The following FAT4 variants were observed in gnomAD, a reference collection of about 807,000 sequenced individuals.
FAT4 encodes the protein protocadherin Fat 4.
In FAT4, 84 loss-of-function variants were observed where a neutral mutation model predicts 303.9. The observed-to-expected ratio is 0.28, with a 90% CI of 0.23 to 0.33. The LOEUF (loss-of-function observed/expected upper bound fraction) is 0.33. Ranked by LOEUF, FAT4 falls within the 10% of genes least tolerant of loss-of-function variation. The pLI is 1.00. For synonymous variants in FAT4, 2,307 were observed against 2,298.8 expected (o/e 1.00, Z -0.10); for missense variants, 6,005 against 6,146.8 (o/e 0.98, Z 0.77).
At chr4:125,410,808 G>C (rs936837645) in intron 5 of FAT4, among the ~76,000 whole-genome samples, 2 of 152,066 alleles carry the variant, frequency 1.3e-5, no homozygotes, top group African/African-American at 4.8e-5. Flanking sequence ...ATTGACCATT[G>C]TCTCTAAGTA....
chr4:125,396,458 C>A (rs1734172356), intron 2 of FAT4, among the ~76,000 whole-genome samples: 1 of 152,058 alleles, frequency 6.6e-6, no homozygotes, highest in South Asian at 2.1e-4. Flanking sequence ...TCCTGATGTG[C>A]CTTTGATGGT....
chr4:125,356,446 T>C (rs1327386483), intron 2 of FAT4, among the ~76,000 whole-genome samples: 1 of 152,084 alleles, frequency 6.6e-6, no homozygotes, highest in African/African-American at 2.4e-5. Flanking sequence ...TTTTATTTAT[T>C]TGACTAGCTA....
chr4:125,418,864 A>G (rs2126030980), intron 7 of FAT4, among the ~76,000 whole-genome samples: 1 of 147,352 alleles, frequency 6.8e-6, no homozygotes, highest in Admixed American at 6.9e-5. Flanking sequence ...AGCCTTTCTT[A>G]CAAGAGTTTG....
In FAT4 at chr4:125,434,398, C is replaced by T; in HGVS notation, c.7172C>T (p.Ala2391Val). ...TDVLLVNASD[A>V]DASKNAVISY... ...GTTTTATTGGTAAATGCCTCAGATG[C>T]TGATGCTTCAAAGAATGCAGTTATA... The change falls in exon 8 of 18, where the codon GCT (alanine) becomes GTT (valine). Residue 2391 changes from alanine (A) to valine (V), a missense_variant. Physicochemically the swap from Ala to Val is moderately conservative, Grantham distance 64. Coordinates refer to ENST00000394329, the MANE Select transcript of FAT4 (RefSeq NM_001291303.3). The T allele has an allele frequency of 6.2e-7, 1 of 1,614,054 alleles. No homozygotes were observed. Among genetic ancestry groups the T allele is most frequent in the African/African-American group, 1.3e-5 (1 of 75,050 alleles).
At chr4:125,473,601 A>G (rs1228573135) in intron 12 of FAT4, among the ~76,000 whole-genome samples, 1 of 152,016 alleles carries the variant, frequency 6.6e-6, no homozygotes, top group Non-Finnish European at 1.5e-5. Flanking sequence ...GATGAGTAAT[A>G]GTAGACATCA....
At chr4:125,478,037 T>C (rs145835906) in intron 14 of FAT4, among the ~76,000 whole-genome samples, 1 of 152,282 alleles carries the variant, frequency 6.6e-6, no homozygotes, top group African/African-American at 2.4e-5. Context: ...ATATTTTAAC[T>C]GTTGCTATAC....
rs377534767 is a variant in FAT4, at chr4:125,320,828, G to A, written c.4417G>A (p.Glu1473Lys). 38 of 1,613,998 alleles carry A rather than the reference G, an allele frequency of 2.4e-5. No homozygotes were observed. Among genetic ancestry groups the A allele is most frequent in the Non-Finnish European group, 3.2e-5 (38 of 1,179,978 alleles). Residue 1473 changes from glutamate (E) to lysine (K), a missense_variant, in exon 2 of 18, where the codon GAA becomes AAA. By Grantham distance (56) the Glu-to-Lys change is moderately conservative. Coordinates refer to ENST00000394329, the MANE Select transcript of FAT4 (RefSeq NM_001291303.3). ...MPRGNHFTID[E>K]VKGTIYTNAE... Reference sequence around the variant, plus strand: ...AAGAGGCAACCACTTTACCATAGATGAAGTCAAAGGGACTATATATACTAA... The same window carrying A: ...AAGAGGCAACCACTTTACCATAGATAAAGTCAAAGGGACTATATATACTAA...
Position 125,415,819 on chromosome 4 carries a change from A to G in FAT4, c.6843+13A>G. The G allele has an allele frequency of 6.4e-7, 1 of 1,571,628 alleles. No individual in the cohort carries two copies. Among genetic ancestry groups the G allele is most frequent in the Admixed American group, 1.8e-5 (1 of 54,996 alleles). On this transcript the variant is annotated intron_variant, in intron 6 of 17. Transcript: ENST00000394329. ...AACAATTCTTCAGGTCAGTATATTT[A>G]AATAAAGCAAGTATTGTCTTAATTA...
chr4:125,328,113 T>G (rs1340223874), intron 2 of FAT4, among the ~76,000 whole-genome samples: 1 of 152,188 alleles, frequency 6.6e-6, no homozygotes, highest in Non-Finnish European at 1.5e-5. Flanking sequence ...ATATAAAGTG[T>G]CCAATATAGA....
At position 125,491,148 on chromosome 4, in the gene FAT4, C is replaced by A. The variant is rs1305010527; in HGVS notation, c.14332C>A (p.Gln4778Lys). The change falls in exon 18 of 18, where the codon CAG becomes AAG. Residue 4778 changes from glutamine to lysine, a missense_variant. Coordinates refer to ENST00000394329, the MANE Select transcript of FAT4 (RefSeq NM_001291303.3). ...GAGTCGCCTAAAGCAGCCGATTGGG[C>A]AGATTCCACTGGAATCTTCTCCTCC... ...PGSRLKQPIG[Q>K]IPLESSPPVG... 1 of 1,614,026 alleles carries A rather than the reference C, an allele frequency of 6.2e-7. No individual in the cohort carries two copies.
intron 2 of FAT4, among the ~76,000 whole-genome samples, chr4:125,354,875 G>A (rs1732368683): frequency 6.6e-6 from 1 of 151,672 alleles, no homozygotes; most frequent in Admixed American, 6.6e-5. Flanking sequence ...GTTCAAAGCA[G>A]TACTCCTAGT....
chr4:125,328,089 G>A (rs1195315713), intron 2 of FAT4, among the ~76,000 whole-genome samples: 1 of 152,180 alleles, frequency 6.6e-6, no homozygotes, highest in Non-Finnish European at 1.5e-5. Context: ...GGCAGGTAAT[G>A]TGGGTCAAGA....
chr4:125,452,581 G>C lies in FAT4; in HGVS notation c.11571G>C (p.Ala3857=), dbSNP rs771156712. The C allele has an allele frequency of 1.9e-6, 3 of 1,614,128 alleles. No homozygotes were observed. Among genetic ancestry groups the C allele is most frequent in the East Asian group, 4.5e-5 (2 of 44,868 alleles). ...TATGCAAGTGTCTGCCAGGATATGCGGGTAGCTGGTGTGAAATAGATATAG... is the reference window on the plus strand; with the variant it reads ...TATGCAAGTGTCTGCCAGGATATGCCGGTAGCTGGTGTGAAATAGATATAG... ...PFLCKCLPGY[A]GSWCEIDIDE... The change falls in exon 10 of 18, where the codon GCG becomes GCC. Residue 3857 remains alanine, a synonymous_variant. Coordinates refer to ENST00000394329, the MANE Select transcript of FAT4 (RefSeq NM_001291303.3).
chr4:125,444,949 A>G (rs1016357088), intron 8 of FAT4, among the ~76,000 whole-genome samples: 4 of 152,120 alleles, frequency 2.6e-5, no homozygotes, highest in African/African-American at 9.7e-5. Flanking sequence ...TTAAGAATTC[A>G]TGTATAAAAC....
At chr4:125,463,336 T>C (rs974446876) in intron 10 of FAT4, among the ~76,000 whole-genome samples, 1 of 152,068 alleles carries the variant, frequency 6.6e-6, no homozygotes, top group African/African-American at 2.4e-5. Context: ...AAGATGATTA[T>C]GTAAATTATT....
At chr4:125,476,336 G>A in intron 13 of FAT4, 80 bp downstream of exon 13, 1 of 648,404 alleles carries the variant, frequency 1.5e-6, no homozygotes, top group Non-Finnish European at 2.5e-6. Flanking sequence ...ATAATTATAG[G>A]ATGCTAAGTA....
intron 8 of FAT4, among the ~76,000 whole-genome samples, chr4:125,443,860 ATTATC>A (rs1352385061): frequency 6.6e-6 from 1 of 152,152 alleles, no homozygotes; most frequent in African/African-American, 2.4e-5. Context: ...ATCTAGACAT[ATTATC>A]TTAACTGTCG....
intron 11 of FAT4, among the ~76,000 whole-genome samples, chr4:125,466,783 T>TA (rs1726677597): frequency 6.6e-6 from 1 of 150,416 alleles, no homozygotes; most frequent in Non-Finnish European, 1.5e-5. Flanking sequence ...ATTTCTTTTT[T>TA]TTTTTTTTTG....
intron 3 of FAT4, among the ~76,000 whole-genome samples, chr4:125,403,122 A>G (rs1734450259): frequency 6.6e-6 from 1 of 152,088 alleles, no homozygotes; most frequent in African/African-American, 2.4e-5. Context: ...AGAATAAAAT[A>G]ACAACTATCA....
Sources: gnomAD v4.1 joint callset for allele counts (sites outside exome capture counted in the v4.1 genomes callset) on GRCh38, gnomAD v4.1.1 for gene constraint, MANE v1.5 for transcripts, NCBI Gene and HGNC (gene_info 2026-07-23, HGNC 2026-07-21) for gene names.